SPAG16: variants seen among roughly 807,000 people sequenced by gnomAD.
The protein encoded by SPAG16 is sperm-associated antigen 16 protein.
SPAG16 carries 86 observed loss-of-function variants against 80.4 expected under a neutral mutation model. The ratio of observed to expected loss-of-function variants is 1.07; its 90% CI spans 0.90 to 1.28. SPAG16 has a LOEUF of 1.28. SPAG16 is among the 50% of genes most tolerant of loss of function. SPAG16 has a pLI of 0.00. For missense variants in SPAG16, 870 were observed against 765.3 expected (o/e 1.14, Z -1.61); for synonymous variants, 294 against 265.9 (o/e 1.11, Z -1.03).
At chr2:214,145,488 A>G (rs957396360) in intron 14 of SPAG16, among the ~76,000 whole-genome samples, 9 of 152,140 alleles carry the variant, frequency 5.9e-5, no homozygotes, top group Non-Finnish European at 1.0e-4. Context: ...CTTGATACCT[A>G]TTGCTAAATT....
At chr2:214,050,883 G>C (rs1462202380) in intron 13 of SPAG16, among the ~76,000 whole-genome samples, 1 of 152,162 alleles carries the variant, frequency 6.6e-6, no homozygotes, top group Non-Finnish European at 1.5e-5. Flanking sequence ...TATAGGGTGT[G>C]AGCCAAACCA....
chr2:213,412,125 C>T (rs1006386426), intron 9 of SPAG16, among the ~76,000 whole-genome samples: 4 of 152,044 alleles, frequency 2.6e-5, no homozygotes, highest in Non-Finnish European at 4.4e-5. Context: ...TAACTCATTC[C>T]GATCACCTGC....
At chr2:213,400,359 T>G (rs1255390539) in intron 9 of SPAG16, among the ~76,000 whole-genome samples, 1 of 152,206 alleles carries the variant, frequency 6.6e-6, no homozygotes, top group Non-Finnish European at 1.5e-5. Flanking sequence ...TTTGTTTAGT[T>G]TTAAGTATTT....
At chr2:213,466,992 C>T (rs999234562) in intron 9 of SPAG16, among the ~76,000 whole-genome samples, 49 of 152,248 alleles carry the variant, frequency 3.2e-4, no homozygotes, top group African/African-American at 1.2e-3. Flanking sequence ...CTTTAGTTCC[C>T]TCAGGTATTT....
chr2:213,863,724 G>A (rs1257468383), intron 11 of SPAG16, among the ~76,000 whole-genome samples: 1 of 151,858 alleles, frequency 6.6e-6, no homozygotes, highest in Non-Finnish European at 1.5e-5. Flanking sequence ...GTAGCTACTG[G>A]GCATACTAAT....
At chr2:214,332,588 T>A (rs150144043) in intron 15 of SPAG16, among the ~76,000 whole-genome samples, 133 of 152,338 alleles carry the variant, frequency 8.7e-4, no homozygotes, top group African/African-American at 3.0e-3. Flanking sequence ...AGGTACCACA[T>A]CTGATACCTC....
intron 12 of SPAG16, among the ~76,000 whole-genome samples, chr2:213,942,035 A>G (rs1365929195): frequency 6.6e-6 from 1 of 152,114 alleles, no homozygotes; most frequent in Admixed American, 6.6e-5. Context: ...AATTGTTTAC[A>G]CCATTTTTTT....
chr2:213,469,331 G>C (rs111234642), intron 9 of SPAG16, among the ~76,000 whole-genome samples: 2 of 152,046 alleles, frequency 1.3e-5, no homozygotes, highest in Non-Finnish European at 2.9e-5. Flanking sequence ...TAAATGCTGA[G>C]GTGAAGTCAA....
At chr2:214,203,668 G>T (rs2058069518) in intron 15 of SPAG16, among the ~76,000 whole-genome samples, 1 of 152,152 alleles carries the variant, frequency 6.6e-6, no homozygotes, top group African/African-American at 2.4e-5. Context: ...GAGCCCTGTG[G>T]ACACTCGCGG....
chr2:213,323,040 G>A (rs1301256698), intron 5 of SPAG16, among the ~76,000 whole-genome samples: 3 of 151,216 alleles, frequency 2.0e-5, no homozygotes, highest in African/African-American at 7.3e-5. Context: ...CATGTGAACA[G>A]GCTTCTGCAT....
chr2:213,649,508 G>A (rs1271887039), intron 10 of SPAG16, among the ~76,000 whole-genome samples: 1 of 152,190 alleles, frequency 6.6e-6, no homozygotes, highest in Non-Finnish European at 1.5e-5. Flanking sequence ...ATGAAAAACA[G>A]CAACAACAGT....
At chr2:213,649,470 T>TA (rs2062946880) in intron 10 of SPAG16, among the ~76,000 whole-genome samples, 1 of 152,198 alleles carries the variant, frequency 6.6e-6, no homozygotes, top group Non-Finnish European at 1.5e-5. Context: ...ACTTATAATT[T>TA]AAAAAAATAA....
At chr2:214,391,534 G>A (rs535124267) in intron 15 of SPAG16, among the ~76,000 whole-genome samples, 7 of 152,118 alleles carry the variant, frequency 4.6e-5, no homozygotes, top group South Asian at 2.1e-4. Flanking sequence ...AAATGCCAAA[G>A]CTTTAATAAT....
rs534901170 is a variant in SPAG16, at chr2:213,788,575, C to G, written c.1071-73910C>G. Among the ~76,000 whole-genome samples the G allele has an allele frequency of 2.6e-5, 4 of 151,960 alleles. No individual in the cohort carries two copies. In the South Asian group the frequency reaches 8.3e-4, roughly 32 times the overall value. ...AAATTCTATATCTCATAGCCAATATCCACAGTGTTTTTCCTTTTAGGAGAC... is the reference window on the plus strand; with the variant it reads ...AAATTCTATATCTCATAGCCAATATGCACAGTGTTTTTCCTTTTAGGAGAC... On this transcript the variant is annotated intron_variant, in intron 10 of 15. Coordinates refer to ENST00000331683, the MANE Select transcript of SPAG16 (RefSeq NM_024532.5).
chr2:213,669,930 G>A lies in SPAG16; in HGVS notation c.1070+179840G>A, dbSNP rs1200733539. Among the ~76,000 whole-genome samples, 7 of 151,814 alleles carry A rather than the reference G, an allele frequency of 4.6e-5. No individual in the cohort carries two copies. The East Asian group carries it at 1.4e-3, about 29-fold the overall frequency. ...AGTATTTTGCTGCTTCTTCCTGGGTGATTAGATTTAGAAATCATGAAAATG... is the reference window on the plus strand; with the variant it reads ...AGTATTTTGCTGCTTCTTCCTGGGTAATTAGATTTAGAAATCATGAAAATG... On this transcript the variant is annotated intron_variant, in intron 10 of 15. Coordinates refer to ENST00000331683, the MANE Select transcript of SPAG16 (RefSeq NM_024532.5).
intron 15 of SPAG16, among the ~76,000 whole-genome samples, chr2:214,287,288 TTA>T (rs1223584384): frequency 2.0e-5 from 3 of 152,242 alleles, no homozygotes; most frequent in Non-Finnish European, 4.4e-5. Context: ...TTCATTTCTT[TTA>T]TCTTTTCTGT....
intron 10 of SPAG16, among the ~76,000 whole-genome samples, chr2:213,815,956 C>T (rs1419728554): frequency 6.6e-6 from 1 of 151,976 alleles, no homozygotes; most frequent in Non-Finnish European, 1.5e-5. Flanking sequence ...AAGAATTAGG[C>T]AGCTCACATA....
chr2:213,856,143 C>T (rs2075157116), intron 10 of SPAG16, among the ~76,000 whole-genome samples: 1 of 152,144 alleles, frequency 6.6e-6, no homozygotes, highest in Admixed American at 6.5e-5. Context: ...GAGAAATTGG[C>T]CAAAACAAAG....
At chr2:213,605,840 G>C (rs2061241944) in intron 10 of SPAG16, among the ~76,000 whole-genome samples, 1 of 152,108 alleles carries the variant, frequency 6.6e-6, no homozygotes, top group Non-Finnish European at 1.5e-5. Flanking sequence ...CATATACATA[G>C]TAAAGTACAC....
Sources: allele counts gnomAD v4.1 joint callset (sites outside exome capture counted in the v4.1 genomes callset), GRCh38; gene constraint gnomAD v4.1.1; transcripts MANE v1.5; gene names NCBI Gene and HGNC (gene_info 2026-07-23, HGNC 2026-07-21).